DLG2: variants seen among roughly 807,000 people sequenced by gnomAD.
The protein encoded by DLG2 is disks large homolog 2.
DLG2 carries 45 observed loss-of-function variants against 132.5 expected under a neutral mutation model. That is an observed-to-expected ratio of 0.34 (90% CI 0.27 to 0.44). The LOEUF is 0.44. DLG2 is among the 20% of genes least tolerant of loss of function. The probability of loss-of-function intolerance (pLI) is 1.00; values close to 1 mark genes in which losing one functional copy is unlikely to be tolerated. For synonymous variants in DLG2, 424 were observed against 419.6 expected (o/e 1.01, Z -0.13); for missense variants, 1,045 against 1,196.9 (o/e 0.87, Z 1.87).
At chr11:83,654,980 G>A (rs1458731989) in intron 18 of DLG2, among the ~76,000 whole-genome samples, 6 of 152,212 alleles carry the variant, frequency 3.9e-5, no homozygotes, top group African/African-American at 1.4e-4. Context: ...GTATCAGGGT[G>A]TTGTAAGATT....
chr11:84,671,797 C>T (rs541737107), intron 6 of DLG2, among the ~76,000 whole-genome samples: 1 of 152,100 alleles, frequency 6.6e-6, no homozygotes, highest in African/African-American at 2.4e-5. Context: ...CTACTCAGAA[C>T]AGACTGAAAA....
intron 6 of DLG2, among the ~76,000 whole-genome samples, chr11:84,791,820 T>C (rs979909435): frequency 6.6e-6 from 1 of 152,186 alleles, no homozygotes; most frequent in African/African-American, 2.4e-5. Context: ...TCAGTTCCGA[T>C]AGCTCTTTCG....
At chr11:84,637,070 G>A (rs1014177232) in intron 6 of DLG2, among the ~76,000 whole-genome samples, 2 of 152,040 alleles carry the variant, frequency 1.3e-5, no homozygotes, top group Admixed American at 1.3e-4. Context: ...TTATAGGTGT[G>A]AGCCACTGTG....
chr11:84,883,089 T>G (rs1024868994), intron 6 of DLG2, among the ~76,000 whole-genome samples: 3 of 151,888 alleles, frequency 2.0e-5, no homozygotes, highest in Non-Finnish European at 2.9e-5. Context: ...ACTGGATAAA[T>G]AAAATGTGGC....
At chr11:83,825,983 G>A (rs150920355) in intron 17 of DLG2, among the ~76,000 whole-genome samples, 157 of 152,274 alleles carry the variant, frequency 1.0e-3, no homozygotes, top group African/African-American at 3.6e-3. Context: ...GAGAGTAGGG[G>A]AAGTATTGTG....
At chr11:84,920,483 A>G (rs1210871334) in intron 6 of DLG2, among the ~76,000 whole-genome samples, 1 of 152,140 alleles carries the variant, frequency 6.6e-6, no homozygotes, top group African/African-American at 2.4e-5. Context: ...TTCTCCTACA[A>G]CAAACCCTGC....
chr11:83,718,551 A>G (rs532336446), intron 18 of DLG2, among the ~76,000 whole-genome samples: 2 of 146,266 alleles, frequency 1.4e-5, no homozygotes, highest in Admixed American at 1.3e-4. Flanking sequence ...AAAAAAAAAA[A>G]GAAAGAAAAA....
chr11:84,384,684 A>G (rs1009426130), intron 7 of DLG2, among the ~76,000 whole-genome samples: 6 of 152,012 alleles, frequency 3.9e-5, no homozygotes, highest in African/African-American at 7.2e-5. Context: ...TATTAGAAAG[A>G]TAACTCCGAA....
chr11:85,528,588 A>T (rs73499168), intron 3 of DLG2, among the ~76,000 whole-genome samples: 1 of 152,308 alleles, frequency 6.6e-6, no homozygotes, highest in East Asian at 1.9e-4. Context: ...TTTAATCCTG[A>T]GTTGAATTTA....
intron 7 of DLG2, among the ~76,000 whole-genome samples, chr11:84,390,544 G>C (rs9651749): frequency 0.064 from 9,673 of 152,134 alleles, 429 homozygotes; most frequent in Non-Finnish European, 0.11. Context: ...TATGAGTTTC[G>C]AATGGCAAGG....
chr11:85,019,074 C>G (rs2059813501), intron 6 of DLG2, among the ~76,000 whole-genome samples: 1 of 152,150 alleles, frequency 6.6e-6, no homozygotes, highest in Non-Finnish European at 1.5e-5. Flanking sequence ...AGCCACTCAA[C>G]TAAATGAGAT....
chr11:85,402,214 C>G (rs1460869800), intron 3 of DLG2, among the ~76,000 whole-genome samples: 5 of 152,166 alleles, frequency 3.3e-5, no homozygotes, highest in Non-Finnish European at 7.4e-5. Flanking sequence ...TGGTCCTTGA[C>G]AAACCTGACA....
intron 6 of DLG2, among the ~76,000 whole-genome samples, chr11:84,874,069 T>C (rs1159819809): frequency 2.0e-5 from 3 of 152,216 alleles, no homozygotes; most frequent in Non-Finnish European, 4.4e-5. Flanking sequence ...TTGTCATTTT[T>C]CTTAGGAACA....
chr11:83,854,939 T>C (rs2060295931), intron 16 of DLG2, among the ~76,000 whole-genome samples: 1 of 151,964 alleles, frequency 6.6e-6, no homozygotes, highest in African/African-American at 2.4e-5. Flanking sequence ...ATTAAAAATA[T>C]ACAAAGAACT....
chr11:85,432,532 G>GA (rs1489230845), intron 3 of DLG2, among the ~76,000 whole-genome samples: 2 of 151,678 alleles, frequency 1.3e-5, no homozygotes, highest in Admixed American at 1.3e-4. Flanking sequence ...AGAACTTCAA[G>GA]AAAAAATACA....
At chr11:85,505,283 A>G (rs1450584950) in intron 3 of DLG2, among the ~76,000 whole-genome samples, 1 of 152,216 alleles carries the variant, frequency 6.6e-6, no homozygotes, top group East Asian at 1.9e-4. Context: ...GAGAGAGGGC[A>G]TCCCTGTCTT....
intron 18 of DLG2, among the ~76,000 whole-genome samples, chr11:83,713,211 T>G (rs146988976): frequency 3.2e-4 from 49 of 152,306 alleles, no homozygotes; most frequent in African/African-American, 1.1e-3. Context: ...GATCTCATCA[T>G]TGGGGAAGAA....
chr11:83,960,879 G>A (rs2088524038), intron 14 of DLG2, among the ~76,000 whole-genome samples: 1 of 151,994 alleles, frequency 6.6e-6, no homozygotes, highest in African/African-American at 2.4e-5. Context: ...GTATGTTTAT[G>A]TGTGTGAACT....
intron 7 of DLG2, among the ~76,000 whole-genome samples, chr11:84,373,001 C>T (rs753142372): frequency 6.6e-5 from 10 of 151,512 alleles, no homozygotes; most frequent in Non-Finnish European, 1.3e-4. Context: ...GAATAATGAA[C>T]TTAACTAATA....
Sources: allele counts gnomAD v4.1 joint callset (sites outside exome capture counted in the v4.1 genomes callset), GRCh38; gene constraint gnomAD v4.1.1; transcripts MANE v1.5; gene names NCBI Gene and HGNC (gene_info 2026-07-23, HGNC 2026-07-21).